SEMA6D: variants seen among roughly 807,000 people sequenced by gnomAD.
SEMA6D encodes the protein semaphorin 6D.
SEMA6D carries 35 observed loss-of-function variants against 106.6 expected under a neutral mutation model. The observed-to-expected ratio is 0.33, with a 90% confidence interval of 0.25 to 0.44. SEMA6D has a LOEUF of 0.44. Among genes scored for constraint, SEMA6D ranks in the 20% least tolerant of loss-of-function variants. The pLI, the probability that SEMA6D is intolerant of heterozygous loss-of-function variation, is 1.00. For missense variants in SEMA6D, 1,185 were observed against 1,345.9 expected, an observed-to-expected ratio of 0.88 and a Z score of 1.87; for synonymous variants, 499 against 487.7, an observed-to-expected ratio of 1.02 and a Z score of -0.31.
chr15:47,579,511 A>G (rs999560211), intron 3 of SEMA6D, among the ~76,000 whole-genome samples: 15 of 152,176 alleles, frequency 9.9e-5, no homozygotes, highest in African/African-American at 3.4e-4. Context: ...GAAATGCCCT[A>G]TGTTAAGAAG....
chr15:47,534,174 TC>T (rs2045075045), intron 3 of SEMA6D, among the ~76,000 whole-genome samples: 1 of 152,032 alleles, frequency 6.6e-6, no homozygotes, highest in Non-Finnish European at 1.5e-5. Context: ...CAAGAAGGTA[TC>T]TAAGCCAAAA....
intron 1 of SEMA6D, among the ~76,000 whole-genome samples, chr15:47,287,378 C>A (rs1457483642): frequency 2.6e-5 from 4 of 152,136 alleles, no homozygotes; most frequent in Non-Finnish European, 2.9e-5. Flanking sequence ...GGAAAAGAAT[C>A]CTTAAAAAGC....
chr15:47,408,628 AG>A (rs2040678353), intron 1 of SEMA6D, among the ~76,000 whole-genome samples: 1 of 152,236 alleles, frequency 6.6e-6, no homozygotes. Flanking sequence ...GAGATTAAAA[AG>A]GGGGAATCTG....
intron 1 of SEMA6D, among the ~76,000 whole-genome samples, chr15:47,277,558 G>A (rs968656685): frequency 6.0e-5 from 9 of 149,468 alleles, no homozygotes; most frequent in African/African-American, 2.0e-4. Flanking sequence ...TAGAAATAAA[G>A]CATTTTTAAA....
At chr15:47,691,048 G>A (rs1425325904) in intron 4 of SEMA6D, among the ~76,000 whole-genome samples, 3 of 152,190 alleles carry the variant, frequency 2.0e-5, no homozygotes, top group South Asian at 2.1e-4. Flanking sequence ...ATTAAAATGC[G>A]TTTATGCATT....
rs776783041 is a variant in SEMA6D at position 47,770,844 on chromosome 15, C to T, written c.2281C>T (p.His761Tyr). 2 of 1,613,924 alleles carry T rather than the reference C, an allele frequency of 1.2e-6. No individual in the cohort carries two copies. The highest frequency in any genetic ancestry group is 8.5e-7 in the Non-Finnish European group (1 of 1,179,954). The change falls in exon 19 of 19, where the codon CAT (histidine) becomes TAT (tyrosine). Residue 761 changes from histidine (H) to tyrosine (Y), a missense_variant. Coordinates refer to ENST00000536845, the MANE Select transcript of SEMA6D (RefSeq NM_001358351.3). Reference protein sequence around the residue: ...NGDTKSMVMDHRGQPPELAAL... With the variant: ...NGDTKSMVMDYRGQPPELAAL... Reference sequence around the variant, plus strand: ...AGATACTAAATCCATGGTAATGGACCATCGAGGGCAACCTCCAGAGTTGGC... The same window carrying T: ...AGATACTAAATCCATGGTAATGGACTATCGAGGGCAACCTCCAGAGTTGGC...
intron 2 of SEMA6D, among the ~76,000 whole-genome samples, chr15:47,451,418 G>T (rs2042188803): frequency 6.6e-6 from 1 of 152,016 alleles, no homozygotes. Flanking sequence ...CTACCAGTGT[G>T]ATCCAGATCA....
At chr15:47,389,548 T>C (rs1207192334) in intron 1 of SEMA6D, among the ~76,000 whole-genome samples, 1 of 152,194 alleles carries the variant, frequency 6.6e-6, no homozygotes, top group Non-Finnish European at 1.5e-5. Flanking sequence ...AGAGGTTAAC[T>C]ATTGAGGTTA....
chr15:47,484,368 G>A (rs2043234417), intron 3 of SEMA6D, among the ~76,000 whole-genome samples: 1 of 152,056 alleles, frequency 6.6e-6, no homozygotes, highest in Admixed American at 6.6e-5. Flanking sequence ...GCCATTTAGG[G>A]ACACTTCCTG....
At chr15:47,324,607 G>A (rs1227849501) in intron 1 of SEMA6D, among the ~76,000 whole-genome samples, 1 of 150,822 alleles carries the variant, frequency 6.6e-6, no homozygotes, top group Non-Finnish European at 1.5e-5. Context: ...GAAGCCAACT[G>A]GTATATGAGA....
chr15:47,218,087 A>G (rs934572634), intron 1 of SEMA6D, among the ~76,000 whole-genome samples: 1 of 152,080 alleles, frequency 6.6e-6, no homozygotes. Context: ...GTGACTTTGG[A>G]CCAATTAATT....
At chr15:47,412,209 CAG>C (rs1362676569) in intron 1 of SEMA6D, among the ~76,000 whole-genome samples, 1 of 151,822 alleles carries the variant, frequency 6.6e-6, no homozygotes, top group Non-Finnish European at 1.5e-5. Flanking sequence ...ATAGTTAGGG[CAG>C]AGAGAGGAAA....
intron 1 of SEMA6D, among the ~76,000 whole-genome samples, chr15:47,351,609 A>T (rs1691965692): frequency 6.6e-6 from 1 of 152,120 alleles, no homozygotes; most frequent in Non-Finnish European, 1.5e-5. Flanking sequence ...AATAGGCTAG[A>T]CTGTCCCTCA....
intron 3 of SEMA6D, among the ~76,000 whole-genome samples, chr15:47,517,611 T>C (rs929990860): frequency 2.0e-5 from 3 of 152,182 alleles, no homozygotes; most frequent in African/African-American, 7.2e-5. Context: ...TTGTTTCGTC[T>C]TTCTTCCTTC....
At chr15:47,625,823 A>T (rs1335475276) in intron 4 of SEMA6D, among the ~76,000 whole-genome samples, 1 of 152,166 alleles carries the variant, frequency 6.6e-6, no homozygotes, top group African/African-American at 2.4e-5. Flanking sequence ...CATTTACAAA[A>T]ACTTAATTTA....
chr15:47,622,132 C>G (rs1459837900), intron 4 of SEMA6D, among the ~76,000 whole-genome samples: 1 of 141,264 alleles, frequency 7.1e-6, no homozygotes, highest in African/African-American at 2.7e-5. Flanking sequence ...ACTTACTGAC[C>G]AAAACTTTTT....
intron 1 of SEMA6D, among the ~76,000 whole-genome samples, chr15:47,222,978 A>G (rs1453121108): frequency 1.3e-5 from 2 of 152,170 alleles, no homozygotes; most frequent in Non-Finnish European, 2.9e-5. Flanking sequence ...AAACTTAAGG[A>G]CAGCATTCAT....
At chr15:47,621,827 A>G (rs755624817) in intron 4 of SEMA6D, among the ~76,000 whole-genome samples, 10 of 152,222 alleles carry the variant, frequency 6.6e-5, no homozygotes, top group Non-Finnish European at 1.2e-4. Context: ...ATGTTGTTAT[A>G]AAGAGCTACC....
chr15:47,624,185 G>C (rs1015837802), intron 4 of SEMA6D, among the ~76,000 whole-genome samples: 24 of 152,116 alleles, frequency 1.6e-4, no homozygotes, highest in African/African-American at 5.6e-4. Context: ...ACTTGTACTT[G>C]TCCTTCATAT....
Sources: allele counts gnomAD v4.1 joint callset (sites outside exome capture counted in the v4.1 genomes callset), GRCh38; gene constraint gnomAD v4.1.1; transcripts MANE v1.5; gene names NCBI Gene and HGNC (gene_info 2026-07-23, HGNC 2026-07-21).